CSTF3: variants seen among roughly 807,000 people sequenced by gnomAD.
The protein encoded by CSTF3 is cleavage stimulation factor subunit 3.
CSTF3 carries 29 observed loss-of-function variants against 105.8 expected under a neutral mutation model. The ratio of observed to expected loss-of-function variants is 0.27; its 90% CI spans 0.20 to 0.37. CSTF3 has a LOEUF of 0.37. CSTF3 is among the 10% of genes least tolerant of loss of function. The pLI, the probability that CSTF3 is intolerant of heterozygous loss-of-function variation, is 1.00. For missense variants in CSTF3, 357 were observed against 879.3 expected (o/e 0.41, Z 7.51); for synonymous variants, 252 against 281.9 (o/e 0.89, Z 1.06).
chr11:33,095,454 T>A (rs1855210205), intron 15 of CSTF3, among the ~76,000 whole-genome samples: 2 of 152,224 alleles, frequency 1.3e-5, no homozygotes, highest in South Asian at 4.1e-4. Context: ...ATATATGAAT[T>A]ATCTAGCACA....
rs779066290 is a variant in CSTF3 at position 33,085,111 on chromosome 11, T to C, written c.2130A>G (p.Ala710=). ...CCTACCGAATCCGCTTCTGCTGCCG[T>C]GCTCTGTAAATGTCATGAACAGGGG... The part of the protein sequence containing the change: ...VVPPVHDIYR[A]RQQKRIR Residue 710 remains alanine, a synonymous_variant, in exon 21 of 21, where the codon GCA becomes GCG. Transcript: ENST00000323959. 10 of 1,614,066 alleles carry C rather than the reference T, an allele frequency of 6.2e-6. No homozygotes were observed. The African/African-American group carries it at 1.3e-4, about 22-fold the overall frequency.
chr11:33,102,858 G>C (rs187184715), intron 9 of CSTF3, among the ~76,000 whole-genome samples: 1 of 152,228 alleles, frequency 6.6e-6, no homozygotes, highest in Non-Finnish European at 1.5e-5. Flanking sequence ...TCTAAGTAGA[G>C]CCTTGTCTCT....
intron 10 of CSTF3, 100 bp downstream of exon 10, chr11:33,102,077 G>T (rs1190459994): frequency 1.2e-6 from 1 of 829,422 alleles, no homozygotes; most frequent in Non-Finnish European, 1.9e-6. Context: ...AAGAACAAAA[G>T]AAAAAAAGAT....
chr11:33,119,714 T>A (rs1855467512), intron 3 of CSTF3, among the ~76,000 whole-genome samples: 1 of 151,818 alleles, frequency 6.6e-6, no homozygotes, highest in Non-Finnish European at 1.5e-5. Context: ...AGAAATTATA[T>A]TCTAATTCTA....
At chr11:33,105,254 T>G (rs1855316011) in intron 8 of CSTF3, among the ~76,000 whole-genome samples, 1 of 152,238 alleles carries the variant, frequency 6.6e-6, no homozygotes, top group African/African-American at 2.4e-5. Context: ...CAAAAGGTAC[T>G]ATTGGAAACA....
intron 5 of CSTF3, among the ~76,000 whole-genome samples, chr11:33,107,149 C>CA (rs1397119201): frequency 1.3e-5 from 2 of 151,208 alleles, no homozygotes; most frequent in African/African-American, 2.4e-5. Flanking sequence ...CCCATCTCTA[C>CA]AAAAAAATAG....
intron 10 of CSTF3, among the ~76,000 whole-genome samples, chr11:33,101,962 A>T (rs1373740051): frequency 6.6e-6 from 1 of 152,176 alleles, no homozygotes; most frequent in Non-Finnish European, 1.5e-5. Flanking sequence ...AAAATATAGT[A>T]TCTGAAATAA....
chr11:33,150,219 T>TAAAA (rs10714096), intron 1 of CSTF3, among the ~76,000 whole-genome samples: 1,329 of 103,432 alleles, frequency 0.013, no homozygotes, highest in Non-Finnish European at 0.019. Flanking sequence ...TGTCTCAAAC[T>TAAAA]AAAAAAAAAA....
At chr11:33,133,502 C>A (rs1467124690) in intron 3 of CSTF3, among the ~76,000 whole-genome samples, 1 of 152,158 alleles carries the variant, frequency 6.6e-6, no homozygotes, top group Non-Finnish European at 1.5e-5. Context: ...GACACATGAC[C>A]ATTTTGGTGG....
chr11:33,161,452 A>C lies in CSTF3; in HGVS notation c.-127T>G. 1 of 902,460 alleles carries C rather than the reference A, an allele frequency of 1.1e-6. No individual in the cohort carries two copies. The highest frequency in any genetic ancestry group is 1.8e-6 in the Non-Finnish European group (1 of 570,282). The allele number at this position is 902,460 out of a possible 1,614,324, so 55.9% of individuals were successfully genotyped here. On this transcript the variant is annotated 5_prime_UTR_variant, in exon 1 of 21. The change creates a new upstream start codon in the 5' untranslated region. Coordinates refer to ENST00000323959, the MANE Select transcript of CSTF3 (RefSeq NM_001326.3). The stretch of plus-strand genomic sequence containing the variant: ...CCAGCTGAGCCAGACCGCCAACACC[A>C]ATCGCCACCGCCCACTCAAATATGA...
chr11:33,120,174 T>A (rs920305959), intron 3 of CSTF3, among the ~76,000 whole-genome samples: 1 of 151,630 alleles, frequency 6.6e-6, no homozygotes, highest in Non-Finnish European at 1.5e-5. Context: ...TAAATGATAA[T>A]TAGGACTGGC....
chr11:33,130,879 A>T, intron 3 of CSTF3, among the ~76,000 whole-genome samples: 2 of 152,248 alleles, frequency 1.3e-5, no homozygotes, highest in South Asian at 4.1e-4. Context: ...CACCACAAAA[A>T]TTAGCCGGGT....
intron 3 of CSTF3, among the ~76,000 whole-genome samples, chr11:33,111,102 C>T (rs1025306848): frequency 2.0e-5 from 3 of 151,988 alleles, no homozygotes; most frequent in East Asian, 1.9e-4. Context: ...TAGTGGCCGG[C>T]GCCTGTAATC....
chr11:33,085,628 C>T (rs1855097066), intron 20 of CSTF3, 85 bp downstream of exon 20: 3 of 1,276,856 alleles, frequency 2.3e-6, no homozygotes, highest in Non-Finnish European at 3.4e-6. Context: ...GTTTCGAAAA[C>T]TTCAGTGGCA....
intron 3 of CSTF3, among the ~76,000 whole-genome samples, chr11:33,110,839 G>A (rs534186190): frequency 6.6e-6 from 1 of 152,168 alleles, no homozygotes; most frequent in African/African-American, 2.4e-5. Flanking sequence ...AATATGAATT[G>A]TTACAGCATT....
At chr11:33,108,356 A>G in intron 4 of CSTF3, 30 bp downstream of exon 4, 2 of 1,445,130 alleles carry the variant, frequency 1.4e-6, no homozygotes, top group African/African-American at 2.9e-5. Context: ...TTAAACTTCA[A>G]TATAAAATTC....
chr11:33,130,125 CCT>C (rs1379780998), intron 3 of CSTF3, among the ~76,000 whole-genome samples: 22 of 152,154 alleles, frequency 1.4e-4, no homozygotes, highest in Admixed American at 3.3e-4. Flanking sequence ...ATATTGTGCC[CCT>C]CTTTCATTTT....
chr11:33,134,797 T>C (rs1272461975), intron 3 of CSTF3, among the ~76,000 whole-genome samples: 1 of 152,102 alleles, frequency 6.6e-6, no homozygotes, highest in African/African-American at 2.4e-5. Flanking sequence ...ATCTTTCTAG[T>C]GAAAAGCTCA....
chr11:33,134,262 A>G (rs954492622), intron 3 of CSTF3, among the ~76,000 whole-genome samples: 1 of 152,220 alleles, frequency 6.6e-6, no homozygotes, highest in Non-Finnish European at 1.5e-5. Context: ...CCTAAAAGCA[A>G]TGCTCGTTAT....
Sources: gnomAD v4.1 joint callset for allele counts (sites outside exome capture counted in the v4.1 genomes callset) on GRCh38, gnomAD v4.1.1 for gene constraint, MANE v1.5 for transcripts, NCBI Gene and HGNC (gene_info 2026-07-23, HGNC 2026-07-21) for gene names.